Variants in KCNN4 observed in about 807,000 individuals in gnomAD.
The protein encoded by KCNN4 is intermediate conductance calcium-activated potassium channel protein 4.
KCNN4 carries 31 observed loss-of-function variants against 45.2 expected under a neutral mutation model. That is an observed-to-expected ratio of 0.69 (90% CI 0.52 to 0.92). The LOEUF (loss-of-function observed/expected upper bound fraction) is 0.92. Ranked by LOEUF, KCNN4 falls within the 40% of genes least tolerant of loss-of-function variation. The probability of loss-of-function intolerance (pLI) is 0.00; values close to 1 mark genes in which losing one functional copy is unlikely to be tolerated. For synonymous variants in KCNN4, 231 were observed against 254.6 expected, an observed-to-expected ratio of 0.91 and a Z score of 0.88; for missense variants, 463 against 574.0, an observed-to-expected ratio of 0.81 and a Z score of 1.98.
rs1280641861 is a variant in KCNN4, at chr19:43,767,533, C to A, written c.*3+7G>T. On this transcript the variant is annotated splice_region_variant and intron_variant, in intron 8 of 8. Coordinates refer to ENST00000648319, the MANE Select transcript of KCNN4 (RefSeq NM_002250.3). The stretch of plus-strand genomic sequence containing the variant: ...ATGCCTTCCTGCCCAAGTCCCAGCC[C>A]CCTCACCAGCTACTTGGACTGCTGG... 1 of 1,612,320 alleles carries A rather than the reference C, an allele frequency of 6.2e-7. No homozygotes were observed. Among genetic ancestry groups the A allele is most frequent in the Admixed American group, 1.7e-5 (1 of 59,932 alleles).
Position 43,767,723 on chromosome 19 carries a change from G to A in KCNN4, c.1120-16C>T, listed in dbSNP as rs139282634. On this transcript the variant is annotated splice_polypyrimidine_tract_variant and intron_variant, in intron 7 of 8. Coordinates refer to ENST00000648319, the MANE Select transcript of KCNN4 (RefSeq NM_002250.3). ...TCATGTGCATCTGGGTGGGAGGAGA[G>A]GATCAGAGGTGTCGGGGCTGGGGTC... The A allele has an allele frequency of 8.1e-5, 131 of 1,613,810 alleles. No individual in the cohort carries two copies. The East Asian group carries it at 1.6e-3, about 19-fold the overall frequency.
At chr19:43,775,287 A>G (rs1304950841) in intron 2 of KCNN4, among the ~76,000 whole-genome samples, 1 of 152,210 alleles carries the variant, frequency 6.6e-6, no homozygotes, top group Admixed American at 6.5e-5. Flanking sequence ...AGGTCATGCC[A>G]CTGCACTCTA....
chr19:43,780,568 C>T, intron 1 of KCNN4, 135 bp downstream of exon 1: 1 of 752,462 alleles, frequency 1.3e-6, no homozygotes, highest in Non-Finnish European at 2.0e-6. Context: ...GAGTCCTGAC[C>T]CTCAGCCCCT....
chr19:43,780,373 G>C (rs1308427924), intron 1 of KCNN4, among the ~76,000 whole-genome samples: 7 of 144,642 alleles, frequency 4.8e-5, no homozygotes, highest in African/African-American at 1.8e-4. Flanking sequence ...CTCAGATCCA[G>C]GAGTCCTGAC....
chr19:43,768,875 C>G (rs1281176237), intron 7 of KCNN4, 88 bp downstream of exon 7: 6 of 1,328,176 alleles, frequency 4.5e-6, no homozygotes, highest in Non-Finnish European at 6.5e-6. Flanking sequence ...AGGCCCCTGC[C>G]AAGGTTCCCT....
At position 43,767,639 on chromosome 19, in the gene KCNN4, A is replaced by G. The variant is rs1969519498; in HGVS notation, c.1188T>C (p.Ile396=). ...SSSHRALEKQ[I]DTLAGKLDAL... is the part of the protein sequence containing the mutation. Reference sequence around the variant, plus strand: ...CATCCAGCTTCCCCGCCAGCGTGTCAATCTGTTTCTCCAGGGCCCGGTGTG... The same window carrying G: ...CATCCAGCTTCCCCGCCAGCGTGTCGATCTGTTTCTCCAGGGCCCGGTGTG... Residue 396 remains isoleucine, a synonymous_variant, in exon 8 of 9, where the codon ATT becomes ATC. Transcript: ENST00000648319. The G allele has an allele frequency of 6.2e-7, 1 of 1,614,002 alleles. No individual in the cohort carries two copies. Among genetic ancestry groups the G allele is most frequent in the African/African-American group, 1.3e-5 (1 of 74,902 alleles).
rs763200818 is a variant in KCNN4 at position 43,774,161 on chromosome 19, C to T, written c.683+31G>A. 9 of 1,584,272 alleles carry T rather than the reference C, an allele frequency of 5.7e-6. No homozygotes were observed. Among genetic ancestry groups the T allele is most frequent in the Non-Finnish European group, 7.7e-6 (9 of 1,162,642 alleles). On this transcript the variant is annotated intron_variant, in intron 3 of 8. Transcript: ENST00000648319. This position sits in a 1 kb window ranked among gnomAD's most constrained non-coding sequence, Gnocchi z 5.6. The stretch of plus-strand genomic sequence containing the variant: ...GCCGCCGTGGCTGTCCGGGGTTCCC[C>T]CCTGCGCATTTATGCCTCCATCACC...
At chr19:43,780,318 C>T (rs555029319) in intron 1 of KCNN4, among the ~76,000 whole-genome samples, 153 of 151,992 alleles carry the variant, frequency 1.0e-3, no homozygotes, top group African/African-American at 3.4e-3. Context: ...AGCCAAAGCC[C>T]CTCCTCCCTC....
Position 43,769,619 on chromosome 19 carries a change from G to T in KCNN4, c.931-59C>A, listed in dbSNP as rs1969586346. The stretch of plus-strand genomic sequence containing the variant: ...GACCCTTACGGTTCTGGGAAGGCAG[G>T]GCTAGGGCTGGGACTCTTGGGTCCT... On this transcript the variant is annotated intron_variant, in intron 5 of 8. Coordinates refer to ENST00000648319, the MANE Select transcript of KCNN4 (RefSeq NM_002250.3). This position sits in a 1 kb window ranked among gnomAD's most constrained non-coding sequence, Gnocchi z 4.4. 5.7e-6 allele frequency: 9 copies of T among 1,577,706 alleles called. No homozygotes were observed. The highest frequency in any genetic ancestry group is 7.8e-6 in the Non-Finnish European group (9 of 1,147,182).
In KCNN4 at chr19:43,769,604, G is replaced by A. The variant is rs1203254262; in HGVS notation, c.931-44C>T. The A allele has an allele frequency of 6.3e-7, 1 of 1,590,738 alleles. No individual in the cohort carries two copies. The highest frequency in any genetic ancestry group is 1.1e-5 in the South Asian group (1 of 90,660). On this transcript the variant is annotated intron_variant, in intron 5 of 8. Coordinates refer to ENST00000648319, the MANE Select transcript of KCNN4 (RefSeq NM_002250.3). The surrounding 1 kb of genome is among the most constrained non-coding windows in gnomAD (Gnocchi z 4.4). Reference sequence around the variant, plus strand: ...GTGTCCGTGGAGATAGACCCTTACGGTTCTGGGAAGGCAGGGCTAGGGCTG... The same window carrying A: ...GTGTCCGTGGAGATAGACCCTTACGATTCTGGGAAGGCAGGGCTAGGGCTG...
intron 4 of KCNN4, among the ~76,000 whole-genome samples, chr19:43,770,878 G>C (rs1485545083): frequency 6.6e-6 from 1 of 152,194 alleles, no homozygotes; most frequent in Non-Finnish European, 1.5e-5. Context: ...TGTCAAATGA[G>C]GGAGGAGGTC....
intron 4 of KCNN4, among the ~76,000 whole-genome samples, chr19:43,770,887 T>C (rs77608344): frequency 0.026 from 3,918 of 152,182 alleles, 154 homozygotes; most frequent in African/African-American, 0.089. Context: ...AGGGAGGAGG[T>C]CCTGAGCGGT....
In KCNN4 at chr19:43,769,731, C is replaced by T. The variant is rs934197634; in HGVS notation, c.918G>A (p.Gln306=). 6 of 1,613,252 alleles carry T rather than the reference C, an allele frequency of 3.7e-6. No individual in the cohort carries two copies. The highest frequency in any genetic ancestry group is 5.1e-6 in the Non-Finnish European group (6 of 1,179,518). Residue 306 remains glutamine, a synonymous_variant, in exon 5 of 9, where the codon CAG becomes CAA. Coordinates refer to ENST00000648319, the MANE Select transcript of KCNN4 (RefSeq NM_002250.3). This position sits in a 1 kb window ranked among gnomAD's most constrained non-coding sequence, Gnocchi z 4.4. ...KHVHNFMMDI[Q]YTKEMKESAA... ...ATGCCCATCTCACCTCTTTGGTATACTGGATATCCATCATGAAGTTGTGCA... is the reference window on the plus strand; with the variant it reads ...ATGCCCATCTCACCTCTTTGGTATATTGGATATCCATCATGAAGTTGTGCA...
In KCNN4 at chr19:43,769,209, C is replaced by T; in HGVS notation, c.1050-177G>A. On this transcript the variant is annotated intron_variant, in intron 6 of 8. Transcript: ENST00000648319. The surrounding 1 kb of genome is among the most constrained non-coding windows in gnomAD (Gnocchi z 4.4). ...CTGCCTCCCCACGAGCCCCCATCCC[C>T]AGTAGAAACCCAGGTACCCAGGTCC... The T allele has an allele frequency of 1.4e-6, 1 of 724,230 alleles. No individual in the cohort carries two copies. The highest frequency in any genetic ancestry group is 2.4e-6 in the Non-Finnish European group (1 of 425,194). The allele number at this position is 724,230 out of a possible 1,614,324, so 44.9% of individuals were successfully genotyped here. A position where few individuals can be genotyped will look rare whatever the true frequency, so the allele number is the denominator to read the frequency against.
At chr19:43,771,342 T>C (rs1969637588) in intron 4 of KCNN4, among the ~76,000 whole-genome samples, 1 of 152,134 alleles carries the variant, frequency 6.6e-6, no homozygotes, top group African/African-American at 2.4e-5. Context: ...GGAAGCACTT[T>C]ACGTAGTTGG....
At chr19:43,776,716 C>A in intron 1 of KCNN4, 80 bp from the exon 2 acceptor site, 2 of 907,246 alleles carry the variant, frequency 2.2e-6, no homozygotes, top group South Asian at 1.4e-5. Context: ...TCAAAACCAC[C>A]ATTTTTTTTT....
chr19:43,770,003 G>A (rs1376108574), intron 4 of KCNN4, among the ~76,000 whole-genome samples, 174 bp from the exon 5 acceptor site: 6 of 152,068 alleles, frequency 3.9e-5, no homozygotes, highest in Non-Finnish European at 5.9e-5. Context: ...ATCATAAATC[G>A]CATACGTCCG....
intron 4 of KCNN4, among the ~76,000 whole-genome samples, chr19:43,770,619 C>T (rs1046635674): frequency 6.6e-6 from 1 of 152,188 alleles, no homozygotes; most frequent in African/African-American, 2.4e-5. Flanking sequence ...GGTTCCAAGC[C>T]CAGCTCTGAG....
At position 43,780,909 on chromosome 19, in the gene KCNN4, C is replaced by T. The variant is rs778725677; in HGVS notation, c.-48G>A. The T allele has an allele frequency of 4.5e-5, 71 of 1,590,628 alleles. No homozygotes were observed. Among genetic ancestry groups the T allele is most frequent in the Non-Finnish European group, 4.0e-5 (47 of 1,163,864 alleles). On this transcript the variant is annotated 5_prime_UTR_variant, in exon 1 of 9. Coordinates refer to ENST00000648319, the MANE Select transcript of KCNN4 (RefSeq NM_002250.3). Reference sequence around the variant, plus strand: ...AGCCAGCTTCCTGCCCAGGGTCCCCCACCTCGCAGCACGCACAGGGCAGCC... The same window carrying T: ...AGCCAGCTTCCTGCCCAGGGTCCCCTACCTCGCAGCACGCACAGGGCAGCC...
Sources: gnomAD v4.1 joint callset for allele counts (sites outside exome capture counted in the v4.1 genomes callset) on GRCh38, gnomAD v4.1.1 for gene constraint, Gnocchi (gnomAD v3.1) non-coding constraint, MANE v1.5 for transcripts, NCBI Gene and HGNC (gene_info 2026-07-23, HGNC 2026-07-21) for gene names.